Variants in POU2AF2 observed in about 807,000 individuals in gnomAD.
POU2AF2 encodes POU domain class 2-associating factor 2.
At chr11:111,263,138 C>T in the POU2AF2 span, among the ~76,000 whole-genome samples, 5 of 152,328 alleles carry the variant, frequency 3.3e-5, no homozygotes, top group South Asian at 2.1e-4. Flanking sequence ...TAGACTTGTT[C>T]ATCCTACATA....
the POU2AF2 span, chr11:111,285,863 C>G: frequency 1.2e-6 from 2 of 1,610,260 alleles, no homozygotes; most frequent in Admixed American, 3.4e-5. Context: ...GCACCACACT[C>G]CGGGGTACCC....
At chr11:111,247,258 TA>T in the POU2AF2 span, among the ~76,000 whole-genome samples, 1 of 151,378 alleles carries the variant, frequency 6.6e-6, no homozygotes. Flanking sequence ...GATGGCTGTT[TA>T]GGTTGTCTCT....
the POU2AF2 span, chr11:111,286,302 A>G: frequency 2.2e-6 from 1 of 449,560 alleles, no homozygotes; most frequent in South Asian, 3.4e-5. Context: ...TCTTTTTGGA[A>G]CTGTTGTAAC....
the POU2AF2 span, among the ~76,000 whole-genome samples, chr11:111,278,747 T>C: frequency 6.6e-6 from 1 of 152,242 alleles, no homozygotes; most frequent in African/African-American, 2.4e-5. Flanking sequence ...TTCATAGGCT[T>C]GTCTTCAGAT....
At chr11:111,275,635 C>T in the POU2AF2 span, among the ~76,000 whole-genome samples, 1 of 152,148 alleles carries the variant, frequency 6.6e-6, no homozygotes, top group South Asian at 2.1e-4. Context: ...AATCAAAGAT[C>T]ACCCATGCGT....
chr11:111,285,801 G>A, the POU2AF2 span: 1 of 1,609,094 alleles, frequency 6.2e-7, no homozygotes, highest in Non-Finnish European at 8.5e-7. Flanking sequence ...TCAAGCTGGG[G>A]GTCATCCCTG....
the POU2AF2 span, among the ~76,000 whole-genome samples, chr11:111,258,290 G>T: frequency 6.6e-6 from 1 of 152,244 alleles, no homozygotes; most frequent in East Asian, 1.9e-4. Flanking sequence ...ACTAAATTAT[G>T]AATGTTGATG....
the POU2AF2 span, among the ~76,000 whole-genome samples, chr11:111,269,954 T>C: frequency 6.6e-6 from 1 of 152,230 alleles, no homozygotes. Flanking sequence ...ACATCACAGT[T>C]TTCAAAAGAT....
At chr11:111,253,427 T>A in the POU2AF2 span, among the ~76,000 whole-genome samples, 71 of 152,354 alleles carry the variant, frequency 4.7e-4, 2 homozygotes, top group South Asian at 0.015. Flanking sequence ...ACCATCCACA[T>A]CACGATGGTT....
the POU2AF2 span, among the ~76,000 whole-genome samples, chr11:111,252,457 C>T: frequency 8.5e-5 from 13 of 152,064 alleles, no homozygotes; most frequent in East Asian, 2.1e-3. Flanking sequence ...GAATCACCGA[C>T]GTATATTCTT....
the POU2AF2 span, among the ~76,000 whole-genome samples, chr11:111,271,873 C>G: frequency 6.6e-6 from 1 of 152,004 alleles, no homozygotes; most frequent in Non-Finnish European, 1.5e-5. Context: ...AAAAATTAGC[C>G]GGGCATGGTG....
chr11:111,262,788 T>C, the POU2AF2 span, among the ~76,000 whole-genome samples: 3 of 152,246 alleles, frequency 2.0e-5, no homozygotes, highest in East Asian at 3.8e-4. Context: ...TGCTTATTTT[T>C]TTCAGATAAA....
the POU2AF2 span, among the ~76,000 whole-genome samples, chr11:111,282,825 TCA>T: frequency 6.6e-6 from 1 of 152,140 alleles, no homozygotes; most frequent in East Asian, 1.9e-4. Flanking sequence ...TAGCATTAGA[TCA>T]CACCCAAGGC....
chr11:111,269,882 C>A, the POU2AF2 span, among the ~76,000 whole-genome samples: 3 of 152,166 alleles, frequency 2.0e-5, no homozygotes, highest in Non-Finnish European at 4.4e-5. Context: ...GGGAATTCTG[C>A]AACCATCTGA....
the POU2AF2 span, chr11:111,245,910 T>C: frequency 2.5e-6 from 1 of 398,702 alleles, no homozygotes; most frequent in Non-Finnish European, 4.4e-6. Flanking sequence ...TTAATCCTAA[T>C]TTTTATTTTT....
the POU2AF2 span, chr11:111,256,179 T>C: frequency 1.3e-5 from 5 of 398,116 alleles, no homozygotes; most frequent in Non-Finnish European, 2.2e-5. Context: ...ACTTCCTGGG[T>C]CTGGTATTCT....
the POU2AF2 span, among the ~76,000 whole-genome samples, chr11:111,273,638 C>G: frequency 6.6e-6 from 1 of 152,132 alleles, no homozygotes; most frequent in Admixed American, 6.5e-5. Flanking sequence ...TCATGCTAGT[C>G]AGACATCACT....
the POU2AF2 span, among the ~76,000 whole-genome samples, chr11:111,250,426 C>G: frequency 1.8e-4 from 27 of 152,226 alleles, no homozygotes; most frequent in East Asian, 4.8e-3. Context: ...TTTTTGCAGC[C>G]AAGTTTTTAA....
At chr11:111,261,134 A>G in the POU2AF2 span, among the ~76,000 whole-genome samples, 1 of 152,188 alleles carries the variant, frequency 6.6e-6, no homozygotes, top group Non-Finnish European at 1.5e-5. Flanking sequence ...ATTGCTATGT[A>G]TGTCTATTTT....
Sources: gnomAD v4.1 joint callset for allele counts (sites outside exome capture counted in the v4.1 genomes callset) on GRCh38, gnomAD v4.1.1 for gene constraint, MANE v1.5 for transcripts, NCBI Gene and HGNC (gene_info 2026-07-23, HGNC 2026-07-21) for gene names.